Variants in MACROD2 observed in about 807,000 individuals in gnomAD.
MACROD2 encodes the protein ADP-ribose glycohydrolase MACROD2.
In MACROD2, 36 loss-of-function variants were observed where a neutral mutation model predicts 70.4. That is an observed-to-expected ratio of 0.51 (90% CI 0.39 to 0.68). The LOEUF (loss-of-function observed/expected upper bound fraction) is 0.68, where lower values mean the gene tolerates loss of function less well. MACROD2 is among the 30% of genes least tolerant of loss of function. The pLI is 0.00. For missense variants in MACROD2, 496 were observed against 538.4 expected (o/e 0.92, Z 0.78); for synonymous variants, 172 against 178.8 (o/e 0.96, Z 0.30).
chr20:15,132,493 C>T (rs577746559), intron 5 of MACROD2, among the ~76,000 whole-genome samples: 2 of 151,834 alleles, frequency 1.3e-5, no homozygotes, highest in African/African-American at 2.4e-5. Context: ...AGGCCATACA[C>T]GGAAATGAAA....
intron 3 of MACROD2, among the ~76,000 whole-genome samples, chr20:14,378,613 C>T (rs1439849954): frequency 6.6e-6 from 1 of 152,154 alleles, no homozygotes; most frequent in Non-Finnish European, 1.5e-5. Flanking sequence ...TGGCCTGCAG[C>T]AGTAGGTAAT....
chr20:15,077,933 G>A (rs1039758951), intron 5 of MACROD2, among the ~76,000 whole-genome samples: 1 of 152,120 alleles, frequency 6.6e-6, no homozygotes, highest in Non-Finnish European at 1.5e-5. Context: ...GCTGGGCTGG[G>A]GGAGGGGGAG....
In MACROD2 at chr20:14,484,593, AC is replaced by A. The variant is rs536144787; in HGVS notation, c.272-8883del. Among the ~76,000 whole-genome samples the A allele has an allele frequency of 2.5e-4, 38 of 151,028 alleles. No homozygotes were observed. In the East Asian group the frequency reaches 7.0e-3, roughly 28 times the overall value. ...CCCACTTCCTCTCCACCCCTCGAATACCCTTTCCAGTGTCTGGTAACCACCC... is the reference window on the plus strand; with the variant it reads ...CCCACTTCCTCTCCACCCCTCGAATACCTTTCCAGTGTCTGGTAACCACCC... On this transcript the variant is annotated intron_variant, in intron 3 of 17. Transcript: ENST00000684519.
intron 5 of MACROD2, among the ~76,000 whole-genome samples, chr20:15,039,043 A>C (rs2075335369): frequency 6.6e-6 from 1 of 152,184 alleles, no homozygotes; most frequent in Admixed American, 6.5e-5. Flanking sequence ...CCCCTGTAAC[A>C]AAGGACCTAA....
intron 5 of MACROD2, among the ~76,000 whole-genome samples, chr20:14,988,994 G>A (rs1171925392): frequency 1.3e-5 from 2 of 151,966 alleles, no homozygotes; most frequent in Non-Finnish European, 2.9e-5. Flanking sequence ...GTAAGATTAT[G>A]TTTATAAAAA....
chr20:15,075,191 G>A (rs1239852508), intron 5 of MACROD2, among the ~76,000 whole-genome samples: 1 of 151,988 alleles, frequency 6.6e-6, no homozygotes, highest in Admixed American at 6.6e-5. Context: ...TTTTCTGTAT[G>A]TTTGAAATTT....
chr20:15,770,441 A>T (rs1358761204), intron 8 of MACROD2, among the ~76,000 whole-genome samples: 1 of 152,086 alleles, frequency 6.6e-6, no homozygotes, highest in Non-Finnish European at 1.5e-5. Context: ...ATGGGTTTGG[A>T]TGAAATAATT....
chr20:15,766,411 T>G (rs75697191), intron 8 of MACROD2, among the ~76,000 whole-genome samples: 2,433 of 152,360 alleles, frequency 0.016, 42 homozygotes, highest in East Asian at 0.069. Context: ...ACAGTCAGAT[T>G]ACATTTACCA....
In MACROD2 at chr20:15,272,760, G is replaced by A. The variant is rs75246661; in HGVS notation, c.540+42699G>A. Among the ~76,000 whole-genome samples, 10 of 152,208 alleles carry A rather than the reference G, an allele frequency of 6.6e-5. No individual in the cohort carries two copies. The East Asian group carries it at 1.4e-3, about 21-fold the overall frequency. Reference sequence around the variant, plus strand: ...AGTGATCATTTCAAGGTTATAGTGAGGGCAACTAATTTTTTCCAATTTGGG... The same window carrying A: ...AGTGATCATTTCAAGGTTATAGTGAAGGCAACTAATTTTTTCCAATTTGGG... On this transcript the variant is annotated intron_variant, in intron 6 of 17. Transcript: ENST00000684519.
chr20:15,392,215 T>C (rs1303682233), intron 6 of MACROD2, among the ~76,000 whole-genome samples: 1 of 152,182 alleles, frequency 6.6e-6, no homozygotes, highest in Non-Finnish European at 1.5e-5. Context: ...AAAGTGTCTT[T>C]TCATAATATG....
chr20:15,971,941 G>C (rs182056676), intron 13 of MACROD2, among the ~76,000 whole-genome samples: 10 of 152,164 alleles, frequency 6.6e-5, no homozygotes, highest in Admixed American at 6.5e-4. Context: ...ATATGAAAGG[G>C]CATGTTAAAA....
At chr20:15,400,256 A>T (rs1018560331) in intron 6 of MACROD2, among the ~76,000 whole-genome samples, 23 of 152,158 alleles carry the variant, frequency 1.5e-4, no homozygotes, top group Non-Finnish European at 2.6e-4. Context: ...CAGCTGCCCC[A>T]GTTTAGCTTC....
chr20:14,819,408 A>G (rs1381151209), intron 5 of MACROD2, among the ~76,000 whole-genome samples: 2 of 151,658 alleles, frequency 1.3e-5, no homozygotes, highest in South Asian at 2.1e-4. Flanking sequence ...AAGGTACAAC[A>G]TAAGAGAATT....
At chr20:14,046,172 AAG>A (rs1364970878) in intron 2 of MACROD2, among the ~76,000 whole-genome samples, 1 of 152,248 alleles carries the variant, frequency 6.6e-6, no homozygotes, top group Non-Finnish European at 1.5e-5. Flanking sequence ...ACTGAAAACT[AAG>A]AGAACCTTTT....
At chr20:14,334,982 A>G (rs544414579) in intron 3 of MACROD2, among the ~76,000 whole-genome samples, 1 of 152,272 alleles carries the variant, frequency 6.6e-6, no homozygotes, top group East Asian at 1.9e-4. Flanking sequence ...ATACTTTTTC[A>G]TTGACCAGAT....
chr20:14,792,357 G>A (rs558326548), intron 5 of MACROD2, among the ~76,000 whole-genome samples: 18 of 152,008 alleles, frequency 1.2e-4, no homozygotes, highest in South Asian at 2.1e-4. Flanking sequence ...CTACTTGACC[G>A]TAGTAAACAT....
chr20:14,200,209 A>G (rs1052056700), intron 3 of MACROD2, among the ~76,000 whole-genome samples: 1 of 152,206 alleles, frequency 6.6e-6, no homozygotes, highest in Non-Finnish European at 1.5e-5. Flanking sequence ...AATAAACAAC[A>G]TGATCATGTC....
chr20:16,044,480 T>A (rs1257773564), intron 16 of MACROD2, 91 bp from the exon 17 acceptor site: 9 of 1,069,770 alleles, frequency 8.4e-6, no homozygotes, highest in Non-Finnish European at 1.2e-5. Context: ...AAATAGGAAA[T>A]CAGGAAAGTA....
chr20:15,523,009 A>G (rs1328929360), intron 8 of MACROD2, among the ~76,000 whole-genome samples: 2 of 152,234 alleles, frequency 1.3e-5, no homozygotes, highest in Admixed American at 6.5e-5. Flanking sequence ...TTGGACAATT[A>G]CAAGTTAAAC....
Sources: allele counts gnomAD v4.1 joint callset (sites outside exome capture counted in the v4.1 genomes callset), GRCh38; gene constraint gnomAD v4.1.1; transcripts MANE v1.5; gene names NCBI Gene and HGNC (gene_info 2026-07-23, HGNC 2026-07-21).